The following WDR43 variants were observed in gnomAD, a reference collection of about 807,000 sequenced individuals.
The protein encoded by WDR43 is WD repeat domain 43, also known as WD repeat-containing protein 43.
A neutral mutation model predicts 91.4 loss-of-function variants in WDR43; 13 were observed. That is an observed-to-expected ratio of 0.14 (90% CI 0.09 to 0.23). The LOEUF is 0.23. Ranked by LOEUF, WDR43 falls within the 10% of genes least tolerant of loss-of-function variation. WDR43 has a pLI of 1.00. For synonymous variants in WDR43, 331 were observed against 287.9 expected (o/e 1.15, Z -1.51); for missense variants, 780 against 809.4 (o/e 0.96, Z 0.44).
chr2:28,909,404 A>T (rs1670747581), intron 3 of WDR43, among the ~76,000 whole-genome samples: 1 of 152,158 alleles, frequency 6.6e-6, no homozygotes, highest in East Asian at 1.9e-4. Context: ...AAGTGCTGGG[A>T]TTACAGGTGT....
Position 28,927,717 on chromosome 2 carries a change from G to C in WDR43, c.1305+17G>C, listed in dbSNP as rs200279512. ...GGAAATGAGGTAATGCAACTGCTTTGACCATATATTTGAGTTTGTGATTTA... is the reference window on the plus strand; with the variant it reads ...GGAAATGAGGTAATGCAACTGCTTTCACCATATATTTGAGTTTGTGATTTA... On this transcript the variant is annotated intron_variant, in intron 10 of 17. Transcript: ENST00000407426. 1.2e-6 allele frequency: 2 copies of C among 1,613,158 alleles called. No homozygotes were observed. The highest frequency in any genetic ancestry group is 2.7e-5 in the African/African-American group (2 of 74,894).
At chr2:28,939,825 A>G (rs2148199140) in intron 14 of WDR43, among the ~76,000 whole-genome samples, 1 of 152,248 alleles carries the variant, frequency 6.6e-6, no homozygotes, top group Admixed American at 6.5e-5. Flanking sequence ...TAAGGAGTGG[A>G]GTCTGGGCAC....
At chr2:28,896,057 A>G (rs1326935329) in intron 1 of WDR43, among the ~76,000 whole-genome samples, 2 of 152,226 alleles carry the variant, frequency 1.3e-5, no homozygotes, top group Non-Finnish European at 2.9e-5. Flanking sequence ...TGATTCATAA[A>G]ATAAACCTAT....
Position 28,894,766 on chromosome 2 carries a change from C to G in WDR43, c.68C>G (p.Pro23Arg). Reference sequence around the variant, plus strand: ...GCTGGGGTCCCTTGCGCCTTCTCCCCGCACAGCCAGGCCTACTTCGCTTTG... The same window carrying G: ...GCTGGGGTCCCTTGCGCCTTCTCCCGGCACAGCCAGGCCTACTTCGCTTTG... ...APAGVPCAFS[P>R]HSQAYFALAS... is the part of the protein sequence containing the mutation. The change falls in exon 1 of 18, where the codon CCG becomes CGG. Residue 23 changes from proline (P) to arginine (R), a missense_variant. Physicochemically the swap from Pro to Arg is moderately radical, Grantham distance 103. This residue lies in a region of WDR43 where 175 missense variants were observed against 113.8 expected (regional missense o/e 1.54). Coordinates refer to ENST00000407426, the MANE Select transcript of WDR43 (RefSeq NM_015131.3). The G allele has an allele frequency of 2.5e-6, 4 of 1,604,088 alleles. No individual in the cohort carries two copies. Among genetic ancestry groups the G allele is most frequent in the South Asian group, 1.1e-5 (1 of 89,542 alleles).
Position 28,926,468 on chromosome 2 carries a change from G to A in WDR43, c.1087G>A (p.Ala363Thr). ...CCCTTTAAAAAAAATATATTTTCAG[G>A]CTTTAAACTCCAGAGAACCTCATAT... ...SWFQPTIERV[A>T]LNSREPHMCL... The change falls in exon 9 of 18, where the codon GCT becomes ACT. Residue 363 changes from alanine (A) to threonine (T), a missense_variant and splice_region_variant. By Grantham distance (58) the Ala-to-Thr change is moderately conservative (BLOSUM62 0). Coordinates refer to ENST00000407426, the MANE Select transcript of WDR43 (RefSeq NM_015131.3). 1.3e-6 allele frequency: 2 copies of A among 1,541,416 alleles called. No individual in the cohort carries two copies. The highest frequency in any genetic ancestry group is 8.8e-7 in the Non-Finnish European group (1 of 1,141,402).
chr2:28,926,594 A>G, intron 9 of WDR43, 40 bp downstream of exon 9: 14 of 1,495,882 alleles, frequency 9.4e-6, no homozygotes, highest in Non-Finnish European at 1.3e-5. Flanking sequence ...GAAAAAGAAT[A>G]TTTCTTTGGG....
At chr2:28,920,214 T>A (rs1205540455) in intron 6 of WDR43, among the ~76,000 whole-genome samples, 1 of 129,048 alleles carries the variant, frequency 7.7e-6, no homozygotes, top group African/African-American at 2.7e-5. Flanking sequence ...AAAATAAATT[T>A]TTTTTCTTTC....
At chr2:28,927,088 G>A in intron 9 of WDR43, 1 of 519,634 alleles carries the variant, frequency 1.9e-6, no homozygotes, top group Non-Finnish European at 3.8e-6. Context: ...ACATCCATAT[G>A]GTTTCGCTGC....
chr2:28,937,580 T>C (rs1195191035), intron 13 of WDR43, among the ~76,000 whole-genome samples: 2 of 152,184 alleles, frequency 1.3e-5, no homozygotes, highest in East Asian at 3.8e-4. Flanking sequence ...ATGTTTATTG[T>C]TAACATAAAA....
intron 1 of WDR43, 196 bp downstream of exon 1, chr2:28,895,119 G>A (rs553687285): frequency 6.6e-6 from 3 of 452,086 alleles, no homozygotes; most frequent in Admixed American, 4.7e-5. Flanking sequence ...GTGAGGGAGG[G>A]CGCAGCTCGA....
At chr2:28,913,972 G>A (rs1189330676) in intron 4 of WDR43, 97 bp from the exon 5 acceptor site, 10 of 1,393,354 alleles carry the variant, frequency 7.2e-6, no homozygotes, top group South Asian at 2.6e-5. Flanking sequence ...TCTCCTTTCC[G>A]ATATGTATCA....
chr2:28,903,905 A>C (rs1274185253), intron 2 of WDR43, among the ~76,000 whole-genome samples: 1 of 152,100 alleles, frequency 6.6e-6, no homozygotes, highest in Non-Finnish European at 1.5e-5. Context: ...CCTGGGTTCA[A>C]GTGATTTTCG....
chr2:28,894,930 C>T lies in WDR43; in HGVS notation c.225+7C>T, dbSNP rs970024681. The T allele has an allele frequency of 1.3e-6, 2 of 1,569,784 alleles. No homozygotes were observed. Among genetic ancestry groups the T allele is most frequent in the African/African-American group, 1.4e-5 (1 of 73,498 alleles). Reference sequence around the variant, plus strand: ...AGCGCGGCTGCAGGCCAAGGTAAAGCGAGCGGGACTGCGCGGGGCGGGCGC... The same window carrying T: ...AGCGCGGCTGCAGGCCAAGGTAAAGTGAGCGGGACTGCGCGGGGCGGGCGC... On this transcript the variant is annotated splice_region_variant and intron_variant, in intron 1 of 17. Transcript: ENST00000407426.
chr2:28,941,388 A>AT (rs1452513500), intron 14 of WDR43, 73 bp from the exon 15 acceptor site: 1 of 1,172,126 alleles, frequency 8.5e-7, no homozygotes, highest in African/African-American at 1.5e-5. Context: ...ATACTGAGGC[A>AT]TAGCTGAGCA....
intron 6 of WDR43, among the ~76,000 whole-genome samples, chr2:28,918,399 G>A (rs533807228): frequency 9.0e-4 from 136 of 150,528 alleles, no homozygotes; most frequent in African/African-American, 3.1e-3. Flanking sequence ...ACGGAGTTTC[G>A]CTCTTGTTGC....
At chr2:28,923,887 C>G (rs775822735) in intron 7 of WDR43, among the ~76,000 whole-genome samples, 1 of 152,076 alleles carries the variant, frequency 6.6e-6, no homozygotes, top group Non-Finnish European at 1.5e-5. Context: ...TGAAGGATTT[C>G]AAGCAGAGGA....
chr2:28,921,102 A>G (rs1409942950), intron 6 of WDR43, among the ~76,000 whole-genome samples: 1 of 151,382 alleles, frequency 6.6e-6, no homozygotes, highest in African/African-American at 2.4e-5. Flanking sequence ...TATTGATAAT[A>G]AAGAAGGGAG....
intron 8 of WDR43, 103 bp downstream of exon 8, chr2:28,925,256 ATT>A (rs1210663995): frequency 8.8e-7 from 1 of 1,139,712 alleles, no homozygotes; most frequent in African/African-American, 1.6e-5. Flanking sequence ...TAAATAATAT[ATT>A]CTTTTTTAAT....
At chr2:28,900,079 A>G (rs1670551008) in intron 1 of WDR43, among the ~76,000 whole-genome samples, 1 of 152,244 alleles carries the variant, frequency 6.6e-6, no homozygotes, top group African/African-American at 2.4e-5. Context: ...CAAATTGGCA[A>G]TAAAGCATAC....
Sources: gnomAD v4.1 joint callset for allele counts (sites outside exome capture counted in the v4.1 genomes callset) on GRCh38, gnomAD v4.1.1 for gene constraint, gnomAD v4.1.1 regional missense constraint, MANE v1.5 for transcripts, NCBI Gene and HGNC (gene_info 2026-07-23, HGNC 2026-07-21) for gene names.